PSEN2: variants seen among roughly 807,000 people sequenced by gnomAD.
PSEN2 encodes presenilin-2.
PSEN2 carries 32 observed loss-of-function variants against 49.1 expected under a neutral mutation model. The ratio of observed to expected loss-of-function variants is 0.65; its 90% CI spans 0.49 to 0.88. The LOEUF is 0.88. PSEN2 is among the 40% of genes least tolerant of loss of function. The pLI is 0.00. For missense variants in PSEN2, 522 were observed against 586.9 expected (o/e 0.89, Z 1.14); for synonymous variants, 255 against 244.0 (o/e 1.05, Z -0.42).
downstream of PSEN2, among the ~76,000 whole-genome samples, chr1:226,900,913 T>C (rs930531711): frequency 2.0e-5 from 3 of 152,148 alleles, no homozygotes; most frequent in African/African-American, 7.2e-5. Context: ...TTACCTTCAA[T>C]TCTCGTAACA....
chr1:226,888,780 G>A (rs748872069), intron 7 of PSEN2, 49 bp from the exon 8 acceptor site: 2 of 1,522,492 alleles, frequency 1.3e-6, no homozygotes, highest in South Asian at 1.1e-5. Context: ...CTGCTAGGCT[G>A]TAATGCCTCC....
downstream of PSEN2, among the ~76,000 whole-genome samples, chr1:226,899,907 C>G (rs1254830417): frequency 6.6e-6 from 1 of 152,198 alleles, no homozygotes; most frequent in Non-Finnish European, 1.5e-5. Context: ...GCACACAGCA[C>G]TTTTGCCTAT....
chr1:226,881,608 A>G lies in PSEN2; in HGVS notation c.-20-280A>G, dbSNP rs368961675. 4.6e-5 allele frequency among the ~76,000 whole-genome samples: 7 copies of G among 152,318 alleles called. No individual in the cohort carries two copies. In the East Asian group the frequency reaches 7.7e-4, roughly 17 times the overall value. ...GTTTGCTGATTGAATGAATGAGCACACTGACAGTTTGGAGCTGCCCTGACT... is the reference window on the plus strand; with the variant it reads ...GTTTGCTGATTGAATGAATGAGCACGCTGACAGTTTGGAGCTGCCCTGACT... On this transcript the variant is annotated intron_variant, in intron 3 of 12. Coordinates refer to ENST00000366783, the MANE Select transcript of PSEN2 (RefSeq NM_000447.3).
At chr1:226,891,612 G>A in intron 10 of PSEN2, 131 bp from the exon 11 acceptor site, 1 of 872,342 alleles carries the variant, frequency 1.1e-6, no homozygotes, top group Non-Finnish European at 1.9e-6. Flanking sequence ...CCTGGTGTCA[G>A]GTGCTGGTGC....
At chr1:226,894,340 G>C (rs1409140796) in intron 12 of PSEN2, among the ~76,000 whole-genome samples, 1 of 152,242 alleles carries the variant, frequency 6.6e-6, no homozygotes, top group Non-Finnish European at 1.5e-5. Flanking sequence ...GTGGAGGACA[G>C]TGCAGGGGAG....
At chr1:226,889,401 T>A (rs2102685586) in intron 8 of PSEN2, among the ~76,000 whole-genome samples, 1 of 152,170 alleles carries the variant, frequency 6.6e-6, no homozygotes, top group African/African-American at 2.4e-5. Flanking sequence ...CTCAGCCTCC[T>A]GAGTAGATAG....
Position 226,891,333 on chromosome 1 carries a change from C to G in PSEN2, c.942C>G (p.Ala314=), listed in dbSNP as rs780103765. 3.1e-6 allele frequency: 5 copies of G among 1,613,676 alleles called. No individual in the cohort carries two copies. The African/African-American group carries it at 6.7e-5, about 22-fold the overall frequency. Reference sequence around the variant, plus strand: ...AGCTGGACCCCTCCTCTCAGGGTGCCCTCCAGCTCCCCTACGACCCGGAGA... The same window carrying G: ...AGCTGGACCCCTCCTCTCAGGGTGCGCTCCAGCTCCCCTACGACCCGGAGA... ...MAKLDPSSQG[A]LQLPYDPEME... Residue 314 remains alanine, a synonymous_variant, in exon 10 of 13, where the codon GCC becomes GCG. Coordinates refer to ENST00000366783, the MANE Select transcript of PSEN2 (RefSeq NM_000447.3).
rs1470540552 is a variant in PSEN2 at position 226,888,809 on chromosome 1, G to C, written c.567-20G>C. The C allele has an allele frequency of 6.2e-7, 1 of 1,605,956 alleles. No individual in the cohort carries two copies. The highest frequency in any genetic ancestry group is 8.5e-7 in the Non-Finnish European group (1 of 1,172,496). On this transcript the variant is annotated intron_variant, in intron 7 of 12. Coordinates refer to ENST00000366783, the MANE Select transcript of PSEN2 (RefSeq NM_000447.3). ...TGCCTCCACTGAGTCCCAGTCACAG[G>C]CTCCACCTTGGTCCTGCAGGGAAGT...
chr1:226,880,621 A>C lies in PSEN2; in HGVS notation c.-20-1267A>C, dbSNP rs200137699. The C allele has an allele frequency of 3.9e-3, 3,516 of 890,464 alleles. 10 individuals carry two copies. The highest frequency in any genetic ancestry group is 5.0e-3 in the Admixed American group (179 of 35,548). 55.2% of individuals were successfully genotyped at this position (890,464 alleles called of 1,614,324 possible). ...GATCACTCAGCCTCTGGACAGCGATAACTCAGCCTCTGTCCCCGTCTGAGA... is the reference window on the plus strand; with the variant it reads ...GATCACTCAGCCTCTGGACAGCGATCACTCAGCCTCTGTCCCCGTCTGAGA... On this transcript the variant is annotated intron_variant, in intron 3 of 12. Transcript: ENST00000366783.
intron 12 of PSEN2, among the ~76,000 whole-genome samples, chr1:226,901,740 T>C (rs1299718233): frequency 6.6e-6 from 1 of 152,220 alleles, no homozygotes; most frequent in Non-Finnish European, 1.5e-5. Flanking sequence ...AAGTCAAAGA[T>C]TTCCCTATGA....
chr1:226,886,853 A>C (rs1016079301), intron 6 of PSEN2, among the ~76,000 whole-genome samples: 1 of 152,184 alleles, frequency 6.6e-6, no homozygotes, highest in African/African-American at 2.4e-5. Flanking sequence ...TGTGGTCCCA[A>C]CTACTTGGGA....
intron 3 of PSEN2, among the ~76,000 whole-genome samples, chr1:226,877,256 C>T (rs1161420038): frequency 6.6e-6 from 1 of 152,202 alleles, no homozygotes; most frequent in Non-Finnish European, 1.5e-5. Flanking sequence ...GAGGATGGAG[C>T]TTGGAGATCT....
At chr1:226,888,460 G>A (rs906207803) in intron 7 of PSEN2, among the ~76,000 whole-genome samples, 6 of 152,176 alleles carry the variant, frequency 3.9e-5, no homozygotes, top group African/African-American at 9.7e-5. Context: ...TTTACATTCT[G>A]ATTTTTAGGC....
chr1:226,888,990 T>TC lies in PSEN2; in HGVS notation c.729dup (p.Ile244HisfsTer20). ...ATCAGTGCGCTCATGGCCCTAGTGT[T>TC]CATCAAGTACCTCCCAGAGTGGTCC... On this transcript the variant is annotated frameshift_variant, in exon 8 of 13. Transcript: ENST00000366783. LOFTEE classifies it high-confidence loss of function. 6.2e-7 allele frequency: 1 copy of TC among 1,614,136 alleles called. No homozygotes were observed. The highest frequency in any genetic ancestry group is 8.5e-7 in the Non-Finnish European group (1 of 1,180,020).
chr1:226,875,081 G>A (rs992025277), intron 2 of PSEN2, among the ~76,000 whole-genome samples: 1 of 152,090 alleles, frequency 6.6e-6, no homozygotes, highest in Non-Finnish European at 1.5e-5. Flanking sequence ...CTAGAGCCTG[G>A]CCCAAAATTC....
intron 11 of PSEN2, among the ~76,000 whole-genome samples, chr1:226,893,137 C>T (rs1406922119): frequency 6.6e-6 from 1 of 152,198 alleles, no homozygotes; most frequent in Non-Finnish European, 1.5e-5. Context: ...TGACTTGTTG[C>T]CCGGGCTGGT....
Position 226,895,887 on chromosome 1 carries a change from A to G in PSEN2, c.*308A>G. ...ATCCGGCATGAGGGCTGAGATGCGC[A>G]AAGAGTGTGCTCGGGAGTGGCCCCT... On this transcript the variant is annotated 3_prime_UTR_variant, in exon 13 of 13. Coordinates refer to ENST00000366783, the MANE Select transcript of PSEN2 (RefSeq NM_000447.3). The G allele has an allele frequency of 2.2e-6, 1 of 462,608 alleles. No homozygotes were observed. Among genetic ancestry groups the G allele is most frequent in the East Asian group, 4.4e-5 (1 of 22,706 alleles). The allele number at this position is 462,608 out of a possible 1,614,324, so 28.7% of individuals were successfully genotyped here.
intron 3 of PSEN2, among the ~76,000 whole-genome samples, chr1:226,876,335 A>C (rs1660626968): frequency 6.6e-6 from 1 of 152,186 alleles, no homozygotes. Flanking sequence ...TTCAGGAGCT[A>C]GGTAAATCAG....
chr1:226,887,189 A>G (rs1661414444), intron 6 of PSEN2, among the ~76,000 whole-genome samples: 1 of 152,138 alleles, frequency 6.6e-6, no homozygotes, highest in African/African-American at 2.4e-5. Context: ...TCTGTCTAGT[A>G]GGGCTTCCTT....
Sources: gnomAD v4.1 joint callset for allele counts (sites outside exome capture counted in the v4.1 genomes callset) on GRCh38, gnomAD v4.1.1 for gene constraint, MANE v1.5 for transcripts, NCBI Gene and HGNC (gene_info 2026-07-23, HGNC 2026-07-21) for gene names.